ZNF701: variants seen among roughly 807,000 people sequenced by gnomAD.
ZNF701 encodes the protein zinc finger protein 701.
In ZNF701, 6 loss-of-function variants were observed where a neutral mutation model predicts 7.1. The ratio of observed to expected loss-of-function variants is 0.84; its 90% CI spans 0.46 to 1.66. The LOEUF is 1.66. Ranked by LOEUF, ZNF701 falls within the 40% of genes most tolerant of loss-of-function variation. ZNF701 has a pLI of 0.01. For missense variants in ZNF701, 541 were observed against 559.2 expected (o/e 0.97, Z 0.33); for synonymous variants, 166 against 188.2 (o/e 0.88, Z 0.97).
the ZNF701 span, chr19:52,598,695 G>A: frequency 6.5e-6 from 1 of 152,708 alleles, no homozygotes; most frequent in African/African-American, 2.4e-5. Context: ...GATCGCTTAA[G>A]CCCAGGAATT....
the ZNF701 span, among the ~76,000 whole-genome samples, chr19:52,595,023 C>T: frequency 1.3e-5 from 2 of 152,020 alleles, no homozygotes; most frequent in Non-Finnish European, 2.9e-5. Flanking sequence ...CTCTTGTTGC[C>T]CAGGCTGGAG....
chr19:52,576,080 C>T, intron 3 of ZNF701, 59 bp downstream of exon 3: 1 of 1,607,278 alleles, frequency 6.2e-7, no homozygotes, highest in Non-Finnish European at 8.5e-7. Context: ...TGTATTTTCT[C>T]TTGTTGCCTC....
chr19:52,593,728 GC>G, the ZNF701 span, among the ~76,000 whole-genome samples: 4 of 114,720 alleles, frequency 3.5e-5, no homozygotes, highest in African/African-American at 6.8e-5. Flanking sequence ...AGACGGGGCG[GC>G]CGGGCAGAGA....
At chr19:52,577,497 C>G (rs585828) in intron 3 of ZNF701, among the ~76,000 whole-genome samples, 1 of 149,716 alleles carries the variant, frequency 6.7e-6, no homozygotes, top group East Asian at 2.0e-4. Context: ...GGACAATTAT[C>G]AATCATTAGC....
intron 3 of ZNF701, among the ~76,000 whole-genome samples, chr19:52,580,336 T>C (rs1480733606): frequency 2.6e-5 from 4 of 152,194 alleles, no homozygotes; most frequent in African/African-American, 9.7e-5. Flanking sequence ...CCTTTTTATT[T>C]TAAAAAATTT....
At chr19:52,589,778 T>C (rs989258901), downstream of ZNF701, among the ~76,000 whole-genome samples, 3 of 152,170 alleles carry the variant, frequency 2.0e-5, no homozygotes, top group African/African-American at 7.2e-5. Context: ...CTCACTGTCT[T>C]CTGGGACTTC....
At chr19:52,589,496 T>TTAA (rs2060028291), downstream of ZNF701, among the ~76,000 whole-genome samples, 1 of 151,440 alleles carries the variant, frequency 6.6e-6, no homozygotes, top group Non-Finnish European at 1.5e-5. Context: ...TTTTTTCTTT[T>TTAA]AAGACGGAGT....
downstream of ZNF701, among the ~76,000 whole-genome samples, chr19:52,588,931 C>T (rs1205380037): frequency 1.3e-5 from 2 of 152,102 alleles, no homozygotes; most frequent in Non-Finnish European, 2.9e-5. Context: ...TTTGTAGAGA[C>T]AGGTTTTCAC....
At chr19:52,580,262 T>C (rs1301107972) in intron 3 of ZNF701, among the ~76,000 whole-genome samples, 1 of 152,132 alleles carries the variant, frequency 6.6e-6, no homozygotes, top group African/African-American at 2.4e-5. Flanking sequence ...ATTTTTATTT[T>C]TGTCAGAATT....
At chr19:52,594,101 C>T in the ZNF701 span, 25 of 128,234 alleles carry the variant, frequency 1.9e-4, 6 homozygotes, top group Non-Finnish European at 2.7e-4. Flanking sequence ...GGATCACTCC[C>T]GGTTAGGAGC....
rs778738292 is a variant in ZNF701, at chr19:52,584,641, GTTTT to G, written c.*1188_*1191del. ...TAGATTTCAAGGTGTGAAATTCTCA[GTTTT>G]TTTATGTTTATTCCTAAGTATTTCT... On this transcript the variant is annotated 3_prime_UTR_variant, in exon 4 of 4. Coordinates refer to ENST00000391785, the MANE Select transcript of ZNF701 (RefSeq NM_018260.3). The G allele has an allele frequency of 6.6e-6, 1 of 152,072 alleles. No homozygotes were observed. The highest frequency in any genetic ancestry group is 2.4e-5 in the African/African-American group (1 of 41,404). The allele number at this position is 152,072 out of a possible 1,614,324, so 9.4% of individuals were successfully genotyped here. A position where few individuals can be genotyped will look rare whatever the true frequency, so the allele number is the denominator to read the frequency against.
Position 52,583,021 on chromosome 19 carries a change from C to G in ZNF701, c.962C>G (p.Thr321Ser), listed in dbSNP as rs2059986701. The G allele has an allele frequency of 6.2e-7, 1 of 1,613,778 alleles. No homozygotes were observed. The highest frequency in any genetic ancestry group is 8.5e-7 in the Non-Finnish European group (1 of 1,179,956). ...SNLARHHRVHTGEKPYKCEEC... is the reference protein window; with the variant it reads ...SNLARHHRVHSGEKPYKCEEC... Reference sequence around the variant, plus strand: ...CTTGCACGTCATCATAGAGTTCATACTGGAGAGAAACCTTACAAATGTGAA... The same window carrying G: ...CTTGCACGTCATCATAGAGTTCATAGTGGAGAGAAACCTTACAAATGTGAA... The change falls in exon 4 of 4, where the codon ACT (threonine) becomes AGT (serine). Residue 321 changes from threonine to serine, a missense_variant. Coordinates refer to ENST00000391785, the MANE Select transcript of ZNF701 (RefSeq NM_018260.3).
At chr19:52,598,944 T>A in the ZNF701 span, 1 of 152,148 alleles carries the variant, frequency 6.6e-6, no homozygotes, top group South Asian at 2.1e-4. Flanking sequence ...TAAGTCCTCC[T>A]TTAAAAGTAA....
At chr19:52,597,043 C>G in the ZNF701 span, 1 of 1,251,854 alleles carries the variant, frequency 8.0e-7, no homozygotes, top group Non-Finnish European at 1.1e-6. Flanking sequence ...AGTAATGCTA[C>G]AACCATTGCA....
downstream of ZNF701, among the ~76,000 whole-genome samples, chr19:52,588,284 G>A (rs545888568): frequency 2.6e-5 from 4 of 152,034 alleles, no homozygotes; most frequent in South Asian, 2.1e-4. Context: ...TCAGGAGATC[G>A]AGACCATCCT....
intron 2 of ZNF701, among the ~76,000 whole-genome samples, chr19:52,575,232 G>A (rs182890092): frequency 1.3e-5 from 2 of 152,250 alleles, no homozygotes; most frequent in East Asian, 3.9e-4. Context: ...GCCCCCCAAA[G>A]TGCTGGGATT....
chr19:52,583,783 A>G lies in ZNF701; in HGVS notation c.*326A>G. On this transcript the variant is annotated 3_prime_UTR_variant, in exon 4 of 4. Transcript: ENST00000391785. ...CATCAAGCAATCCATGGTATAGGGA[A>G]ACTTGACTAATGTAATGATTGTCAC... 1 of 632,922 alleles carries G rather than the reference A, an allele frequency of 1.6e-6. No individual in the cohort carries two copies. The highest frequency in any genetic ancestry group is 2.9e-6 in the Non-Finnish European group (1 of 341,644). The allele number at this position is 632,922 out of a possible 1,614,324, so 39.2% of individuals were successfully genotyped here. A position where few individuals can be genotyped will look rare whatever the true frequency, so the allele number is the denominator to read the frequency against.
Position 52,582,500 on chromosome 19 carries a change from T to C in ZNF701, c.441T>C (p.His147=), listed in dbSNP as rs1399784652. The change falls in exon 4 of 4, where the codon CAT becomes CAC. Residue 147 remains histidine, a synonymous_variant. Transcript: ENST00000391785. ...KNELGSSFHS[H]LPEVHIFHPE... ...AGCTTGGATCAAGCTTTCATTCGCATCTGCCTGAAGTGCACATATTTCACC... is the reference window on the plus strand; with the variant it reads ...AGCTTGGATCAAGCTTTCATTCGCACCTGCCTGAAGTGCACATATTTCACC... The C allele has an allele frequency of 6.2e-7, 1 of 1,614,204 alleles. No individual in the cohort carries two copies. The highest frequency in any genetic ancestry group is 8.5e-7 in the Non-Finnish European group (1 of 1,180,030).
chr19:52,597,039 G>C, the ZNF701 span: 17 of 1,241,990 alleles, frequency 1.4e-5, no homozygotes, highest in African/African-American at 2.6e-4. Context: ...CTTCAGTAAT[G>C]CTACAACCAT....
Sources: gnomAD v4.1 joint callset for allele counts (sites outside exome capture counted in the v4.1 genomes callset) on GRCh38, gnomAD v4.1.1 for gene constraint, MANE v1.5 for transcripts, NCBI Gene and HGNC (gene_info 2026-07-23, HGNC 2026-07-21) for gene names.